C9orf85: variants seen among roughly 807,000 people sequenced by gnomAD.
C9orf85 encodes the protein uncharacterized protein C9orf85.
A neutral mutation model predicts 14.9 loss-of-function variants in C9orf85; 16 were observed. The ratio of observed to expected loss-of-function variants is 1.08; its 90% CI spans 0.73 to 1.63. The LOEUF is 1.63. Ranked by LOEUF, C9orf85 falls within the 40% of genes most tolerant of loss-of-function variation. The pLI, the probability that C9orf85 is intolerant of heterozygous loss-of-function variation, is 0.00. For missense variants in C9orf85, 172 were observed against 186.1 expected (o/e 0.92, Z 0.44); for synonymous variants, 45 against 56.8 (o/e 0.79, Z 0.93).
At chr9:71,954,394 A>C (rs888056832) in intron 2 of C9orf85, among the ~76,000 whole-genome samples, 1 of 152,154 alleles carries the variant, frequency 6.6e-6, no homozygotes, top group Non-Finnish European at 1.5e-5. Flanking sequence ...GTCCCAATCC[A>C]GACCCCAAGA....
chr9:71,942,280 A>G (rs1236321736), intron 1 of C9orf85, among the ~76,000 whole-genome samples: 1 of 152,240 alleles, frequency 6.6e-6, no homozygotes, highest in Admixed American at 6.5e-5. Flanking sequence ...CGCTTACTGT[A>G]TCACATGGTA....
intron 1 of C9orf85, among the ~76,000 whole-genome samples, chr9:71,936,179 C>A (rs1412446408): frequency 6.6e-6 from 1 of 151,966 alleles, no homozygotes; most frequent in African/African-American, 2.4e-5. Flanking sequence ...TCAAGGATTT[C>A]TGTGAGGAGA....
intron 1 of C9orf85, among the ~76,000 whole-genome samples, chr9:71,917,804 AC>A (rs1827689182): frequency 6.6e-6 from 1 of 152,082 alleles, no homozygotes; most frequent in South Asian, 2.1e-4. Context: ...ATATATTAAA[AC>A]TCATTAAATT....
At chr9:71,944,711 G>T (rs1485063489) in intron 1 of C9orf85, among the ~76,000 whole-genome samples, 1 of 152,036 alleles carries the variant, frequency 6.6e-6, no homozygotes, top group African/African-American at 2.4e-5. Flanking sequence ...CTTCTGTTTT[G>T]CCAAAGAATG....
At chr9:71,964,236 C>T (rs1022854179) in intron 2 of C9orf85, among the ~76,000 whole-genome samples, 1 of 152,038 alleles carries the variant, frequency 6.6e-6, no homozygotes, top group African/African-American at 2.4e-5. Flanking sequence ...CAGTCAGCGC[C>T]CTGTCAACAC....
chr9:71,947,795 C>A (rs905449930), intron 2 of C9orf85, among the ~76,000 whole-genome samples: 1 of 152,184 alleles, frequency 6.6e-6, no homozygotes, highest in African/African-American at 2.4e-5. Context: ...AGGCGCCCAC[C>A]ACCATGCCTG....
intron 2 of C9orf85, among the ~76,000 whole-genome samples, chr9:71,948,000 A>G (rs994586502): frequency 6.6e-6 from 1 of 152,164 alleles, no homozygotes; most frequent in Admixed American, 6.5e-5. Context: ...TGCATCCTCT[A>G]CAGCTCCCTG....
intron 2 of C9orf85, among the ~76,000 whole-genome samples, chr9:71,969,132 G>A (rs112585760): frequency 0.014 from 2,082 of 152,186 alleles, 39 homozygotes; most frequent in African/African-American, 0.047. Context: ...ACAAAGAACT[G>A]AACATACTGA....
At chr9:71,917,043 A>C (rs1827667925) in intron 1 of C9orf85, among the ~76,000 whole-genome samples, 1 of 152,228 alleles carries the variant, frequency 6.6e-6, no homozygotes, top group African/African-American at 2.4e-5. Flanking sequence ...CCAGAGTTAC[A>C]TAATTAGCAC....
chr9:71,951,871 A>G, intron 2 of C9orf85, among the ~76,000 whole-genome samples: 1 of 152,118 alleles, frequency 6.6e-6, no homozygotes, highest in East Asian at 1.9e-4. Context: ...AAACAATCCC[A>G]GTCAGTAATG....
chr9:71,975,363 C>A (rs1258610612), downstream of C9orf85, among the ~76,000 whole-genome samples: 3 of 151,382 alleles, frequency 2.0e-5, no homozygotes, highest in Non-Finnish European at 4.4e-5. Flanking sequence ...ATCGCTTGAA[C>A]CCGGTAAGCA....
In C9orf85 at chr9:71,962,983, G is replaced by T. The variant is rs527595797; in HGVS notation, c.210-8522G>T. Reference sequence around the variant, plus strand: ...AGGCACGATAATCACTTGAACCCGGGAAGTGGAGGTTGCAGTGAGCCGAGA... The same window carrying T: ...AGGCACGATAATCACTTGAACCCGGTAAGTGGAGGTTGCAGTGAGCCGAGA... On this transcript the variant is annotated intron_variant, in intron 2 of 3. Transcript: ENST00000334731. 1.5e-3 allele frequency among the ~76,000 whole-genome samples: 221 copies of T among 152,208 alleles called. 1 individual carries two copies. Among genetic ancestry groups the T allele is most frequent in the Non-Finnish European group, 2.2e-3 (149 of 68,018 alleles).
At chr9:71,929,510 T>G (rs1828019974) in intron 1 of C9orf85, among the ~76,000 whole-genome samples, 1 of 152,196 alleles carries the variant, frequency 6.6e-6, no homozygotes, top group Non-Finnish European at 1.5e-5. Flanking sequence ...CTTCATTGTT[T>G]AGATCTCAGT....
intron 2 of C9orf85, among the ~76,000 whole-genome samples, chr9:71,957,067 G>A (rs1471779209): frequency 6.6e-6 from 1 of 151,918 alleles, no homozygotes; most frequent in African/African-American, 2.4e-5. Context: ...GCCAGCCTTG[G>A]CCTCCCAAAG....
At chr9:71,958,412 GC>G (rs1822433233) in intron 2 of C9orf85, among the ~76,000 whole-genome samples, 1 of 151,224 alleles carries the variant, frequency 6.6e-6, no homozygotes, top group Admixed American at 6.6e-5. Context: ...GCAGGCATGC[GC>G]CACCACGACC....
At chr9:71,933,992 A>T (rs1828130508) in intron 1 of C9orf85, among the ~76,000 whole-genome samples, 1 of 152,150 alleles carries the variant, frequency 6.6e-6, no homozygotes, top group African/African-American at 2.4e-5. Flanking sequence ...TTTTAGGTCA[A>T]GCCAGTGTAT....
At chr9:71,963,645 G>A (rs932912071) in intron 2 of C9orf85, among the ~76,000 whole-genome samples, 1 of 152,238 alleles carries the variant, frequency 6.6e-6, no homozygotes, top group Non-Finnish European at 1.5e-5. Context: ...TAGCTGGCCG[G>A]CCCTGCCGCC....
chr9:71,911,988 T>C lies in C9orf85; in HGVS notation c.102+152T>C. On this transcript the variant is annotated intron_variant, in intron 1 of 3. Coordinates refer to ENST00000334731, the MANE Select transcript of C9orf85 (RefSeq NM_182505.5). ...CAGTGCAACTCTTTCTAAAATGTTATTCTCACGCCCTTTCTTTGACCTGGA... is the reference window on the plus strand; with the variant it reads ...CAGTGCAACTCTTTCTAAAATGTTACTCTCACGCCCTTTCTTTGACCTGGA... The C allele has an allele frequency of 5.6e-6, 4 of 720,282 alleles. 1 individual carries two copies. In the South Asian group the frequency reaches 5.8e-5, roughly 10 times the overall value. The allele number at this position is 720,282 out of a possible 1,614,324, so 44.6% of individuals were successfully genotyped here.
At chr9:71,953,960 C>T (rs1822310626) in intron 2 of C9orf85, among the ~76,000 whole-genome samples, 1 of 151,956 alleles carries the variant, frequency 6.6e-6, no homozygotes, top group Non-Finnish European at 1.5e-5. Flanking sequence ...ATTAGCCAGG[C>T]ATGCTGACGC....
Sources: gnomAD v4.1 joint callset for allele counts (sites outside exome capture counted in the v4.1 genomes callset) on GRCh38, gnomAD v4.1.1 for gene constraint, MANE v1.5 for transcripts, NCBI Gene and HGNC (gene_info 2026-07-23, HGNC 2026-07-21) for gene names.